Variants in CNTRL observed in about 807,000 individuals in gnomAD.
CNTRL encodes 110 kDa centrosomal protein.
Under a neutral mutation model 303.7 loss-of-function variants are expected in CNTRL, and 233 were observed. The observed-to-expected ratio is 0.77, with a 90% confidence interval of 0.69 to 0.86. CNTRL has a LOEUF of 0.86. CNTRL is among the 40% of genes least tolerant of loss of function. The pLI is 0.00. For synonymous variants in CNTRL, 900 were observed against 922.2 expected (o/e 0.98, Z 0.44); for missense variants, 2,524 against 2,650.6 (o/e 0.95, Z 1.05).
intron 1 of CNTRL, among the ~76,000 whole-genome samples, chr9:121,078,264 C>T (rs186426819): frequency 2.0e-5 from 3 of 152,136 alleles, no homozygotes; most frequent in Admixed American, 6.5e-5. Flanking sequence ...AAAAATTAGC[C>T]GGGCGTGGTG....
intron 27 of CNTRL, among the ~76,000 whole-genome samples, chr9:121,155,474 C>T (rs576367820): frequency 2.6e-5 from 4 of 152,224 alleles, no homozygotes; most frequent in South Asian, 4.1e-4. Context: ...CTCCGCCTCC[C>T]GGGTTCAAGC....
In CNTRL at chr9:121,157,969, C is replaced by T. The variant is rs2052663553; in HGVS notation, c.4638-14C>T. 2 of 1,613,972 alleles carry T rather than the reference C, an allele frequency of 1.2e-6. No individual in the cohort carries two copies. Among genetic ancestry groups the T allele is most frequent in the African/African-American group, 1.3e-5 (1 of 74,918 alleles). On this transcript the variant is annotated splice_polypyrimidine_tract_variant and intron_variant, in intron 29 of 43. Coordinates refer to ENST00000373855, the MANE Select transcript of CNTRL (RefSeq NM_007018.6). ...TCCCTTAGGATCTGCTCTAGTGTTG[C>T]TGGTGCTTTGTAGGCTTCAGAAACT...
chr9:121,152,562 A>G lies in CNTRL; in HGVS notation c.4041A>G (p.Ala1347=), dbSNP rs16910366. The G allele has an allele frequency of 5.1e-4, 831 of 1,614,160 alleles. 4 individuals carry two copies. In the African/African-American group the frequency reaches 9.8e-3, roughly 19 times the overall value. The change falls in exon 26 of 44, where the codon GCA becomes GCG. Residue 1347 remains alanine (A), a synonymous_variant. Transcript: ENST00000373855. ...SKKREERWMR[A]SKRQSEKEME... The stretch of plus-strand genomic sequence containing the variant: ...AGCGGGAAGAAAGGTGGATGAGAGC[A>G]TCCAAGCGGCAGTCGGAGAAAGAAA...
At chr9:121,116,844 AG>A (rs988909843) in intron 11 of CNTRL, among the ~76,000 whole-genome samples, 2 of 152,196 alleles carry the variant, frequency 1.3e-5, no homozygotes, top group African/African-American at 4.8e-5. Context: ...AGCTGATTCC[AG>A]GAAACACTGG....
intron 12 of CNTRL, 133 bp downstream of exon 12, chr9:121,118,673 C>A: frequency 1.7e-6 from 1 of 592,542 alleles, no homozygotes; most frequent in Non-Finnish European, 2.7e-6. Flanking sequence ...TATATACATA[C>A]AGTCAGCCCT....
intron 11 of CNTRL, among the ~76,000 whole-genome samples, chr9:121,117,324 A>G (rs2050021432): frequency 6.6e-6 from 1 of 152,182 alleles, no homozygotes; most frequent in Non-Finnish European, 1.5e-5. Flanking sequence ...AATCGTCCAT[A>G]TTTTATTTCT....
chr9:121,082,181 A>G (rs2048165359), intron 2 of CNTRL, among the ~76,000 whole-genome samples: 1 of 152,246 alleles, frequency 6.6e-6, no homozygotes, highest in South Asian at 2.1e-4. Context: ...AGAGAGATCC[A>G]TTCTGCAATG....
At chr9:121,084,401 AT>A (rs375680065) in intron 2 of CNTRL, among the ~76,000 whole-genome samples, 2 of 152,250 alleles carry the variant, frequency 1.3e-5, no homozygotes, top group Non-Finnish European at 2.9e-5. Context: ...TACATTTTAC[AT>A]TTTATGTTAT....
At chr9:121,092,914 T>C (rs2048727851) in intron 4 of CNTRL, among the ~76,000 whole-genome samples, 1 of 147,292 alleles carries the variant, frequency 6.8e-6, no homozygotes, top group Admixed American at 7.0e-5. Context: ...TCAAGGGATT[T>C]TCCTGCCTTA....
At chr9:121,143,764 G>A (rs1046697384) in intron 19 of CNTRL, 139 bp from the exon 20 acceptor site, 7 of 555,388 alleles carry the variant, frequency 1.3e-5, no homozygotes, top group African/African-American at 7.5e-5. Context: ...TTATTCATTG[G>A]ATATATGTGG....
At chr9:121,161,825 T>A (rs1280831220) in intron 32 of CNTRL, 31 bp from the exon 33 acceptor site, 1 of 1,473,086 alleles carries the variant, frequency 6.8e-7, no homozygotes, top group Non-Finnish European at 9.5e-7. Flanking sequence ...TCATTTAATA[T>A]CATGGACCAT....
chr9:121,089,666 C>T (rs1439375531), intron 3 of CNTRL, among the ~76,000 whole-genome samples: 2 of 152,104 alleles, frequency 1.3e-5, no homozygotes, highest in South Asian at 4.1e-4. Context: ...TTGGAATTTT[C>T]TAAAAAAACA....
chr9:121,096,448 G>A lies in CNTRL; in HGVS notation c.506G>A (p.Cys169Tyr). ...AAAATTGAAGGCATAGAAAATATGT[G>A]TAATCTGCAAAAGCTTAACCTTGCA... ...ISKIEGIENM[C>Y]NLQKLNLAGN... Residue 169 changes from cysteine (C) to tyrosine (Y), a missense_variant, in exon 6 of 44, where the codon TGT (cysteine) becomes TAT (tyrosine). Transcript: ENST00000373855. The A allele has an allele frequency of 1.3e-6, 2 of 1,557,132 alleles. No homozygotes were observed. Among genetic ancestry groups the A allele is most frequent in the Non-Finnish European group, 8.7e-7 (1 of 1,148,918 alleles).
chr9:121,174,656 A>C (rs904647294), intron 42 of CNTRL, among the ~76,000 whole-genome samples: 1 of 152,228 alleles, frequency 6.6e-6, no homozygotes, highest in Non-Finnish European at 1.5e-5. Flanking sequence ...GAAAAAATAC[A>C]TAATCAGGAG....
At chr9:121,151,012 A>T (rs777317278) in intron 25 of CNTRL, among the ~76,000 whole-genome samples, 21 of 152,370 alleles carry the variant, frequency 1.4e-4, no homozygotes, top group Middle Eastern at 3.4e-3. Flanking sequence ...GCACACAGGT[A>T]TGGACAGCAT....
In CNTRL at chr9:121,154,840, G is replaced by A. The variant is rs1225097148; in HGVS notation, c.4292G>A (p.Arg1431His). ...TGCATTGAGAAGACTCTTCTGAAAC[G>A]TCGCTCAGAGCTCAGGGAAGCTGAC... is the stretch of plus-strand genomic sequence containing the variant. ...IECIEKTLLKRRSELREADRL... is the reference protein window; with the variant it reads ...IECIEKTLLKHRSELREADRL... Residue 1431 changes from arginine to histidine, a missense_variant, in exon 27 of 44, where the codon CGT (arginine) becomes CAT (histidine). By Grantham distance (29) the Arg-to-His change is conservative (BLOSUM62 0). Coordinates refer to ENST00000373855, the MANE Select transcript of CNTRL (RefSeq NM_007018.6). 8.1e-6 allele frequency: 13 copies of A among 1,614,150 alleles called. No individual in the cohort carries two copies. Among genetic ancestry groups the A allele is most frequent in the South Asian group, 7.7e-5 (7 of 91,088 alleles).
chr9:121,085,420 C>T (rs2048307989), intron 2 of CNTRL, among the ~76,000 whole-genome samples: 1 of 152,034 alleles, frequency 6.6e-6, no homozygotes, highest in Non-Finnish European at 1.5e-5. Context: ...AAAAAATATG[C>T]ATACAGAGAG....
chr9:121,148,646 G>T (rs2134168610), intron 23 of CNTRL, 26 bp from the exon 24 acceptor site: 1 of 1,592,138 alleles, frequency 6.3e-7, no homozygotes, highest in Non-Finnish European at 8.6e-7. Flanking sequence ...ATAATAGATA[G>T]TGTGCTCTGC....
In CNTRL at chr9:121,168,132, G is replaced by A. The variant is rs2053165209; in HGVS notation, c.5881G>A (p.Glu1961Lys). 6.2e-7 allele frequency: 1 copy of A among 1,613,574 alleles called. No homozygotes were observed. The highest frequency in any genetic ancestry group is 8.5e-7 in the Non-Finnish European group (1 of 1,180,010). Reference protein sequence around the residue: ...QRLQKERESEESKLETSKVTL... With the variant: ...QRLQKERESEKSKLETSKVTL... ...ACTCCAGAAAGAGAGAGAAAGTGAA[G>A]AAAGCAAATTAGAAACCAGTAAAGT... The change falls in exon 38 of 44, where the codon GAA becomes AAA. Residue 1961 changes from glutamate (E) to lysine (K), a missense_variant. Glu to Lys is a moderately conservative substitution (Grantham distance 56). Transcript: ENST00000373855.
Sources: allele counts gnomAD v4.1 joint callset (sites outside exome capture counted in the v4.1 genomes callset), GRCh38; gene constraint gnomAD v4.1.1; transcripts MANE v1.5; gene names NCBI Gene and HGNC (gene_info 2026-07-23, HGNC 2026-07-21).